Variants in OXR1 observed in about 807,000 individuals in gnomAD.
The protein encoded by OXR1 is oxidation resistance 1, also known as oxidation resistance protein 1.
A neutral mutation model predicts 104.6 loss-of-function variants in OXR1; 41 were observed. The ratio of observed to expected loss-of-function variants is 0.39; its 90% CI spans 0.31 to 0.51. OXR1 has a LOEUF of 0.51. Ranked by LOEUF, OXR1 falls within the 20% of genes least tolerant of loss-of-function variation. The pLI is 0.77. For synonymous variants in OXR1, 348 were observed against 348.4 expected, an observed-to-expected ratio of 1.00 and a Z score of 0.01; for missense variants, 955 against 1,031.9, an observed-to-expected ratio of 0.93 and a Z score of 1.02.
chr8:106,680,230 C>T (rs1828015257), intron 4 of OXR1, among the ~76,000 whole-genome samples: 1 of 152,016 alleles, frequency 6.6e-6, no homozygotes, highest in Non-Finnish European at 1.5e-5. Context: ...TCAAGATAAT[C>T]TCACAGCATA....
In OXR1 at chr8:106,448,169, G is replaced by GT. The variant is rs930989379; in HGVS notation, c.24-70771dup. 8 of 1,204,484 alleles carry GT rather than the reference G, an allele frequency of 6.6e-6. No individual in the cohort carries two copies. In the African/African-American group the frequency reaches 1.2e-4, roughly 18 times the overall value. The allele number at this position is 1,204,484 out of a possible 1,614,324, so 74.6% of individuals were successfully genotyped here. A position where few individuals can be genotyped will look rare whatever the true frequency, so the allele number is the denominator to read the frequency against. Reference sequence around the variant, plus strand: ...TGCAAGTGAGAAATCAAATCTTTGTGTTTATGGGACCAAACAGATGGATTT... The same window carrying GT: ...TGCAAGTGAGAAATCAAATCTTTGTGTTTTATGGGACCAAACAGATGGATTT... On this transcript the variant is annotated intron_variant, in intron 2 of 16. Coordinates refer to ENST00000517566, the MANE Select transcript of OXR1 (RefSeq NM_001198533.2).
At chr8:106,689,697 A>T (rs551780886) in intron 6 of OXR1, among the ~76,000 whole-genome samples, 6 of 151,902 alleles carry the variant, frequency 3.9e-5, no homozygotes, top group Non-Finnish European at 8.8e-5. Flanking sequence ...GGTTAAGTTA[A>T]TTTCTCATAG....
At position 106,543,570 on chromosome 8, in the gene OXR1, T is replaced by A. The variant is rs1237703130; in HGVS notation, c.220+24431T>A. ...TTCATTGATGAGCTGATACTGTGTG[T>A]CAGCTAAGGTTTGCTTAGGAAAACT... On this transcript the variant is annotated intron_variant, in intron 3 of 16. Transcript: ENST00000517566. Among the ~76,000 whole-genome samples, 3 of 152,192 alleles carry A rather than the reference T, an allele frequency of 2.0e-5. No individual in the cohort carries two copies. The East Asian group carries it at 5.8e-4, about 29-fold the overall frequency.
At chr8:106,697,405 G>A in intron 7 of OXR1, 2 of 1,412,130 alleles carry the variant, frequency 1.4e-6, no homozygotes, top group Non-Finnish European at 2.0e-6. Flanking sequence ...GGAGGGCAGG[G>A]GCAAGGCCTG....
chr8:106,296,150 C>T (rs1343487902), intron 1 of OXR1, among the ~76,000 whole-genome samples: 7 of 152,162 alleles, frequency 4.6e-5, no homozygotes, highest in Admixed American at 3.3e-4. Context: ...TGCAGTTCTT[C>T]GAGTCTCATG....
chr8:106,747,941 ATCT>A (rs1835529418), intron 16 of OXR1, among the ~76,000 whole-genome samples: 1 of 152,184 alleles, frequency 6.6e-6, no homozygotes. Context: ...AGATGTCTTA[ATCT>A]TTTATTAACC....
chr8:106,565,422 G>A (rs964011636), intron 3 of OXR1, among the ~76,000 whole-genome samples: 1 of 152,074 alleles, frequency 6.6e-6, no homozygotes, highest in African/African-American at 2.4e-5. Context: ...ACTTAAAAGG[G>A]ATGTGAAGAA....
intron 16 of OXR1, among the ~76,000 whole-genome samples, chr8:106,746,375 T>C (rs1835397898): frequency 3.3e-5 from 1 of 30,226 alleles, no homozygotes; most frequent in Non-Finnish European, 6.0e-5. Flanking sequence ...GCAAGTACTG[T>C]GAGGAGCTTT....
At chr8:106,319,642 C>T (rs148966105) in intron 1 of OXR1, among the ~76,000 whole-genome samples, 127 of 152,246 alleles carry the variant, frequency 8.3e-4, no homozygotes, top group African/African-American at 2.9e-3. Flanking sequence ...ATCTTCCTGA[C>T]AAAAATTGCA....
At chr8:106,487,975 C>T (rs978411651) in intron 2 of OXR1, among the ~76,000 whole-genome samples, 1 of 148,928 alleles carries the variant, frequency 6.7e-6, no homozygotes, top group Non-Finnish European at 1.5e-5. Flanking sequence ...ATTTCCAGTT[C>T]TAGATCCCTG....
chr8:106,515,490 T>TCTACAAG (rs1336085680), intron 2 of OXR1, among the ~76,000 whole-genome samples: 1 of 152,142 alleles, frequency 6.6e-6, no homozygotes, highest in African/African-American at 2.4e-5. Context: ...CTACTCTGCT[T>TCTACAAG]CTACAAGTTA....
rs1238019511 is a variant in OXR1, at chr8:106,383,041, G to A, written c.23+23405G>A. ...CCTGGAAAGGTAGGAAGGAAGTGGG[G>A]AGACTTGAAGAATATGAGAAAGGAA... On this transcript the variant is annotated intron_variant, in intron 2 of 16. Transcript: ENST00000517566. 2.6e-5 allele frequency among the ~76,000 whole-genome samples: 4 copies of A among 151,982 alleles called. No homozygotes were observed. In the East Asian group the frequency reaches 7.8e-4, roughly 29 times the overall value.
chr8:106,289,747 T>C (rs1812669979), intron 1 of OXR1, among the ~76,000 whole-genome samples: 1 of 152,132 alleles, frequency 6.6e-6, no homozygotes, highest in African/African-American at 2.4e-5. Context: ...ATGGGTTGGC[T>C]ATGTCCCCAC....
At chr8:106,418,694 A>G (rs1395953048) in intron 2 of OXR1, among the ~76,000 whole-genome samples, 1 of 152,174 alleles carries the variant, frequency 6.6e-6, no homozygotes, top group Non-Finnish European at 1.5e-5. Flanking sequence ...ACTGAAAAAA[A>G]ATGAGACTGC....
At chr8:106,377,673 C>A (rs1816963801) in intron 2 of OXR1, among the ~76,000 whole-genome samples, 1 of 152,046 alleles carries the variant, frequency 6.6e-6, no homozygotes, top group Non-Finnish European at 1.5e-5. Context: ...TGAAATTTGG[C>A]CTATGGAATT....
At chr8:106,365,153 G>T (rs932025370) in intron 2 of OXR1, among the ~76,000 whole-genome samples, 2 of 152,190 alleles carry the variant, frequency 1.3e-5, no homozygotes, top group Non-Finnish European at 1.5e-5. Flanking sequence ...GGTTAGATAT[G>T]AATATAAGGC....
intron 3 of OXR1, among the ~76,000 whole-genome samples, chr8:106,653,611 G>T (rs76373531): frequency 1.3e-5 from 2 of 151,898 alleles, no homozygotes; most frequent in Non-Finnish European, 3.0e-5. Flanking sequence ...TAGAGTAAGG[G>T]CATCTACAAA....
At chr8:106,610,678 T>A (rs905920138) in intron 3 of OXR1, among the ~76,000 whole-genome samples, 3 of 152,198 alleles carry the variant, frequency 2.0e-5, no homozygotes, top group African/African-American at 7.2e-5. Flanking sequence ...CCTTTTCCCC[T>A]GCTCCCAACT....
At chr8:106,748,040 C>T (rs1440101788) in intron 16 of OXR1, among the ~76,000 whole-genome samples, 2 of 152,160 alleles carry the variant, frequency 1.3e-5, no homozygotes, top group Non-Finnish European at 2.9e-5. Context: ...ATAGTCTATT[C>T]GCGCTTTTAA....
Sources: gnomAD v4.1 joint callset for allele counts (sites outside exome capture counted in the v4.1 genomes callset) on GRCh38, gnomAD v4.1.1 for gene constraint, MANE v1.5 for transcripts, NCBI Gene and HGNC (gene_info 2026-07-23, HGNC 2026-07-21) for gene names.